Variants in FIBCD1 observed in about 807,000 individuals in gnomAD.
FIBCD1 encodes fibrinogen C domain containing 1.
Under a neutral mutation model 45.1 loss-of-function variants are expected in FIBCD1, and 47 were observed. The observed-to-expected ratio is 1.04, with a 90% CI of 0.82 to 1.33. The LOEUF (loss-of-function observed/expected upper bound fraction) is 1.33. FIBCD1 is among the 40% of genes most tolerant of loss of function. The pLI, the probability that FIBCD1 is intolerant of heterozygous loss-of-function variation, is 0.00. For missense variants in FIBCD1, 653 were observed against 682.2 expected, an observed-to-expected ratio of 0.96 and a Z score of 0.48; for synonymous variants, 313 against 308.1, an observed-to-expected ratio of 1.02 and a Z score of -0.17.
chr9:130,912,060 A>C (rs1466832942), intron 4 of FIBCD1, among the ~76,000 whole-genome samples, 172 bp from the exon 5 acceptor site: 1 of 151,812 alleles, frequency 6.6e-6, no homozygotes, highest in African/African-American at 2.4e-5. Context: ...AGGGGCCTGG[A>C]AAACAGCAGA....
chr9:130,904,046 A>C lies in FIBCD1; in HGVS notation c.*18T>G. The C allele has an allele frequency of 6.2e-7, 1 of 1,611,174 alleles. No individual in the cohort carries two copies. Among genetic ancestry groups the C allele is most frequent in the Non-Finnish European group, 8.5e-7 (1 of 1,179,272 alleles). On this transcript the variant is annotated 3_prime_UTR_variant, in exon 7 of 7. Transcript: ENST00000372338. ...GGGGCGACAGGGACCAGCAGGGCCA[A>C]GGACAAGGTGCACCAGTCTAGCGGT...
chr9:130,940,016 C>G (rs1379918965), upstream of FIBCD1, among the ~76,000 whole-genome samples: 1 of 152,136 alleles, frequency 6.6e-6, no homozygotes, highest in East Asian at 1.9e-4. Context: ...CCGTTCCCCG[C>G]CCCCGCTTCT....
Position 130,938,531 on chromosome 9 carries a change from CGTACCTGCG to C in FIBCD1, c.68_72+4del. 1 of 1,488,528 alleles carries C rather than the reference CGTACCTGCG, an allele frequency of 6.7e-7. No homozygotes were observed. Among genetic ancestry groups the C allele is most frequent in the African/African-American group, 1.5e-5 (1 of 68,434 alleles). 92.2% of individuals were successfully genotyped at this position (1,488,528 alleles called of 1,614,324 possible). On this transcript the variant is annotated splice_donor_variant and splice_donor_region_variant and coding_sequence_variant and intron_variant, in exon 1 of 7. Coordinates refer to ENST00000372338, the MANE Select transcript of FIBCD1 (RefSeq NM_032843.5). LOFTEE classifies it high-confidence loss of function. Reference sequence around the variant, plus strand: ...CAGGCCCCGTGTCCCAGCGCCCGAGCGTACCTGCGGCTTGTCGCGCGGCCGGTCCTCAAG... The same window carrying C: ...CAGGCCCCGTGTCCCAGCGCCCGAGCGCTTGTCGCGCGGCCGGTCCTCAAG...
At chr9:130,923,913 G>GC in intron 3 of FIBCD1, 33 bp from the exon 4 acceptor site, 1 of 1,610,978 alleles carries the variant, frequency 6.2e-7, no homozygotes, top group Non-Finnish European at 8.5e-7. Context: ...GGTGGCTGCG[G>GC]CCCCAGCACG....
chr9:130,938,612 C>T lies in FIBCD1; in HGVS notation c.-5G>A, dbSNP rs1832560404. ...CTTCCACCGGTCGTTGACCATCTTC[C>T]GGCAGGACTGGCGGGGGCGCCGGGC... On this transcript the variant is annotated 5_prime_UTR_variant, in exon 1 of 7. Transcript: ENST00000372338. 4.1e-6 allele frequency: 6 copies of T among 1,449,614 alleles called. No individual in the cohort carries two copies. The highest frequency in any genetic ancestry group is 5.5e-6 in the Non-Finnish European group (6 of 1,100,788). 89.8% of individuals were successfully genotyped at this position (1,449,614 alleles called of 1,614,324 possible).
chr9:130,911,125 T>C (rs1292723306), intron 5 of FIBCD1, among the ~76,000 whole-genome samples: 1 of 149,612 alleles, frequency 6.7e-6, no homozygotes, highest in Non-Finnish European at 1.5e-5. Flanking sequence ...TCTTTCACTC[T>C]TTGGGTCCAC....
At position 130,922,119 on chromosome 9, in the gene FIBCD1, G is replaced by T. The variant is rs1035327718; in HGVS notation, c.849+1625C>A. Among the ~76,000 whole-genome samples, 2 of 152,154 alleles carry T rather than the reference G, an allele frequency of 1.3e-5. No individual in the cohort carries two copies. The highest frequency in any genetic ancestry group is 2.9e-5 in the Non-Finnish European group (2 of 68,040). ...GAGGCTTCCCTCTCTCCTGTTTCTC[G>T]GTCACTTGTTTTGTCTGATGTTAAG... On this transcript the variant is annotated intron_variant, in intron 4 of 6. Transcript: ENST00000372338. This position sits in a 1 kb window ranked among gnomAD's most constrained non-coding sequence, Gnocchi z 4.5.
intron 4 of FIBCD1, among the ~76,000 whole-genome samples, chr9:130,917,218 C>T (rs934060516): frequency 7.2e-5 from 11 of 152,240 alleles, no homozygotes; most frequent in Admixed American, 5.2e-4. Flanking sequence ...TCTTGGGTCC[C>T]GGCTGGAAAA....
rs950993454 is a variant in FIBCD1 at position 130,924,909 on chromosome 9, G to A, written c.553-513C>T. Among the ~76,000 whole-genome samples, 4 of 152,148 alleles carry A rather than the reference G, an allele frequency of 2.6e-5. No homozygotes were observed. In the South Asian group the frequency reaches 6.2e-4, roughly 24 times the overall value. On this transcript the variant is annotated intron_variant, in intron 2 of 6. Coordinates refer to ENST00000372338, the MANE Select transcript of FIBCD1 (RefSeq NM_032843.5). ...ACACATGGGAGGTGCCCAGCACAGC[G>A]GCAAGGACCGGCCGGGTACTCAGCA... is the stretch of plus-strand genomic sequence containing the variant.
rs1411768780 is a variant in FIBCD1 at position 130,924,499 on chromosome 9, A to C, written c.553-103T>G. On this transcript the variant is annotated intron_variant, in intron 2 of 6. Transcript: ENST00000372338. ...CAGAGTGGGCCCTCTCCTGAGGCAG[A>C]GGTGGGCTTCTGGCTCAAGGCCCCG... 3 of 1,184,774 alleles carry C rather than the reference A, an allele frequency of 2.5e-6. No homozygotes were observed. The African/African-American group carries it at 4.6e-5, about 18-fold the overall frequency. 73.4% of individuals were successfully genotyped at this position (1,184,774 alleles called of 1,614,324 possible).
At chr9:130,932,293 G>A (rs1366050338) in intron 1 of FIBCD1, among the ~76,000 whole-genome samples, 1 of 152,222 alleles carries the variant, frequency 6.6e-6, no homozygotes, top group Non-Finnish European at 1.5e-5. Flanking sequence ...GGGGTGGAGG[G>A]GACATGCGCC....
At chr9:130,912,917 A>C (rs899475768) in intron 4 of FIBCD1, among the ~76,000 whole-genome samples, 6 of 152,088 alleles carry the variant, frequency 3.9e-5, no homozygotes, top group African/African-American at 1.4e-4. Flanking sequence ...TGGCCTCCAG[A>C]GCCCTGTCCC....
In FIBCD1 at chr9:130,926,993, G is replaced by A. The variant is rs992684356; in HGVS notation, c.552+2574C>T. 1.3e-5 allele frequency among the ~76,000 whole-genome samples: 2 copies of A among 151,916 alleles called. No homozygotes were observed. Among genetic ancestry groups the A allele is most frequent in the South Asian group, 2.1e-4 (1 of 4,798 alleles). On this transcript the variant is annotated intron_variant, in intron 2 of 6. Coordinates refer to ENST00000372338, the MANE Select transcript of FIBCD1 (RefSeq NM_032843.5). This position sits in a 1 kb window ranked among gnomAD's most constrained non-coding sequence, Gnocchi z 4.1. ...CGGCCCAACACAGTAATCTTAGCAC[G>A]TGGGGAGGCCGAGGTGGGTGGATTG...
intron 2 of FIBCD1, among the ~76,000 whole-genome samples, chr9:130,927,916 T>C (rs766736346): frequency 5.3e-5 from 8 of 152,188 alleles, no homozygotes; most frequent in Non-Finnish European, 8.8e-5. Flanking sequence ...CCGCCTCGGC[T>C]TCCCAAAGTG....
rs374858119 is a variant in FIBCD1 at position 130,924,250 on chromosome 9, C to T, written c.699G>A (p.Arg233=). ...QRAPARGTRP[R]GCATGSRPRD... ...TGCCCCACTCACCAGTGGCACAGCC[C>T]CGGGGCCGGGTTCCCCGGGCAGGCG... is the stretch of plus-strand genomic sequence containing the variant. Residue 233 remains arginine, a synonymous_variant, in exon 3 of 7, where the codon CGG becomes CGA. Transcript: ENST00000372338. 152 of 1,595,884 alleles carry T rather than the reference C, an allele frequency of 9.5e-5. No homozygotes were observed. In the African/African-American group the frequency reaches 1.2e-3, roughly 13 times the overall value.
intron 4 of FIBCD1, among the ~76,000 whole-genome samples, chr9:130,912,472 C>T (rs182549151): frequency 2.1e-4 from 32 of 150,306 alleles, no homozygotes; most frequent in Non-Finnish European, 4.6e-4. Flanking sequence ...TTTGGGAGGC[C>T]GAGGTGGGTG....
chr9:130,937,491 C>T (rs1312043281), intron 1 of FIBCD1, among the ~76,000 whole-genome samples: 2 of 152,196 alleles, frequency 1.3e-5, no homozygotes, highest in Non-Finnish European at 2.9e-5. Flanking sequence ...TGTGCCACGG[C>T]AGTGTCACAC....
rs1291345444 is a variant in FIBCD1, at chr9:130,938,730, C to T, written c.-123G>A. 20 of 420,556 alleles carry T rather than the reference C, an allele frequency of 4.8e-5. No homozygotes were observed. Among genetic ancestry groups the T allele is most frequent in the Non-Finnish European group, 6.6e-5 (20 of 301,028 alleles). The allele number at this position is 420,556 out of a possible 1,614,324, so 26.1% of individuals were successfully genotyped here. A position where few individuals can be genotyped will look rare whatever the true frequency, so the allele number is the denominator to read the frequency against. ...TCCGCCGGGTCCCCGCCTCTGTGCCCCGCGCCGGGGCGGCCCGGGAGCGGG... is the reference window on the plus strand; with the variant it reads ...TCCGCCGGGTCCCCGCCTCTGTGCCTCGCGCCGGGGCGGCCCGGGAGCGGG... On this transcript the variant is annotated 5_prime_UTR_variant, in exon 1 of 7. Transcript: ENST00000372338.
chr9:130,914,019 C>T (rs1410072070), intron 4 of FIBCD1, among the ~76,000 whole-genome samples: 3 of 152,182 alleles, frequency 2.0e-5, no homozygotes, highest in East Asian at 1.9e-4. Flanking sequence ...CTCCAGGCCC[C>T]AGCACCCACG....
Sources: allele counts gnomAD v4.1 joint callset (sites outside exome capture counted in the v4.1 genomes callset), GRCh38; gene constraint gnomAD v4.1.1; non-coding constraint Gnocchi (gnomAD v3.1); transcripts MANE v1.5; gene names NCBI Gene and HGNC (gene_info 2026-07-23, HGNC 2026-07-21).